LBX2: variants seen among roughly 807,000 people sequenced by gnomAD.
LBX2 encodes the protein ladybird homeobox 2.
LBX2 carries 6 observed loss-of-function variants against 7.5 expected under a neutral mutation model. That is an observed-to-expected ratio of 0.80 (90% confidence interval 0.44 to 1.59). The LOEUF (loss-of-function observed/expected upper bound fraction) is 1.59, where lower values mean the gene tolerates loss of function less well. Ranked by LOEUF, LBX2 falls within the 40% of genes most tolerant of loss-of-function variation. The pLI is 0.01. For synonymous variants in LBX2, 143 were observed against 133.2 expected, an observed-to-expected ratio of 1.07 and a Z score of -0.51; for missense variants, 281 against 282.0, an observed-to-expected ratio of 1.00 and a Z score of 0.03.
upstream of LBX2, chr2:74,502,849 C>T (rs202062051): frequency 4.6e-5 from 74 of 1,600,408 alleles, no homozygotes; most frequent in Non-Finnish European, 6.1e-5. The surrounding 1 kb of genome is among the most constrained non-coding windows in gnomAD (Gnocchi z 5.4). Flanking sequence ...TAGGGAAGTC[C>T]TTTTTCCCAT....
chr2:74,502,780 G>T, upstream of LBX2: 1 of 1,614,030 alleles, frequency 6.2e-7, no homozygotes, highest in Non-Finnish European at 8.5e-7. This position sits in a 1 kb window ranked among gnomAD's most constrained non-coding sequence, Gnocchi z 5.4. Context: ...AGCCAGCGGT[G>T]GGAAACTCCG....
At chr2:74,498,970 T>G (rs1380468747) in intron 1 of LBX2, 1 of 301,502 alleles carries the variant, frequency 3.3e-6, no homozygotes, top group Non-Finnish European at 6.2e-6. Flanking sequence ...CTCCAGCGCT[T>G]TCTGTGCCGC....
intron 1 of LBX2, 92 bp from the exon 2 acceptor site, chr2:74,498,410 G>A: frequency 2.0e-6 from 2 of 1,002,114 alleles, no homozygotes; most frequent in East Asian, 2.7e-5. Context: ...GCCGGTGGCG[G>A]TGGGGGAAGT....
upstream of LBX2, chr2:74,499,834 G>A (rs913388144): frequency 4.1e-6 from 2 of 483,094 alleles, no homozygotes; most frequent in South Asian, 2.5e-5. The surrounding 1 kb of genome is among the most constrained non-coding windows in gnomAD (Gnocchi z 4.6). Context: ...GCTGCGGGGC[G>A]CTGCACCGTG....
At chr2:74,500,011 T>TCTCTGATCCCAGCTAGGAC, upstream of LBX2, among the ~76,000 whole-genome samples, 1 of 152,154 alleles carries the variant, frequency 6.6e-6, no homozygotes, top group East Asian at 1.9e-4. Flanking sequence ...TGTGCTGGGA[T>TCTCTGATCCCAGCTAGGAC]CTCTGATCCC....
chr2:74,499,261 G>A lies in LBX2; in HGVS notation c.205+72C>T. The A allele has an allele frequency of 7.3e-7, 1 of 1,373,938 alleles. No individual in the cohort carries two copies. Among genetic ancestry groups the A allele is most frequent in the East Asian group, 2.5e-5 (1 of 39,958 alleles). The allele number at this position is 1,373,938 out of a possible 1,614,324, so 85.1% of individuals were successfully genotyped here. On this transcript the variant is annotated intron_variant, in intron 1 of 1. Transcript: ENST00000377566. The surrounding 1 kb of genome is among the most constrained non-coding windows in gnomAD (Gnocchi z 4.6). ...GTGGCCTGGGCTGGGACAAAGGTTT[G>A]AGACGGGGAACCAGGAGGAGAGAGG...
Position 74,498,096 on chromosome 2 carries a change from T to C in LBX2, c.428A>G (p.Asp143Gly). 6.2e-7 allele frequency: 1 copy of C among 1,613,264 alleles called. No individual in the cohort carries two copies. Among genetic ancestry groups the C allele is most frequent in the Non-Finnish European group, 8.5e-7 (1 of 1,179,758 alleles). Reference sequence around the variant, plus strand: ...GACGTCGGCGCGCATCTCCTCCACATCGCGCTTGAGCTTGGCTCGCCGGTT... The same window carrying C: ...GACGTCGGCGCGCATCTCCTCCACACCGCGCTTGAGCTTGGCTCGCCGGTT... ...FQNRRAKLKRDVEEMRADVAS... is the reference protein window; with the variant it reads ...FQNRRAKLKRGVEEMRADVAS... Residue 143 changes from aspartate (D) to glycine (G), a missense_variant, in exon 2 of 2, where the codon GAT becomes GGT. Transcript: ENST00000377566.
At chr2:74,503,068 C>T, upstream of LBX2, 2 of 528,886 alleles carry the variant, frequency 3.8e-6, no homozygotes, top group East Asian at 3.3e-5. The surrounding 1 kb of genome is among the most constrained non-coding windows in gnomAD (Gnocchi z 5.1). Flanking sequence ...TCCGGGGGTG[C>T]AGACGGCGCC....
chr2:74,497,633 CT>C lies in LBX2; in HGVS notation c.*293del, dbSNP rs1438373943. 5.6e-6 allele frequency: 2 copies of C among 354,574 alleles called. No individual in the cohort carries two copies. Among genetic ancestry groups the C allele is most frequent in the Non-Finnish European group, 1.0e-5 (2 of 197,568 alleles). The allele number at this position is 354,574 out of a possible 1,614,324, so 22.0% of individuals were successfully genotyped here. ...ATTAGCCTGGGGTGGTGCTGCACGC[CT>C]GTAATGCCAGCTAGTCGGGAGGTTG... On this transcript the variant is annotated 3_prime_UTR_variant, in exon 2 of 2. Transcript: ENST00000377566.
In LBX2 at chr2:74,497,987, G is replaced by A; in HGVS notation, c.537C>T (p.Gly179=). 3.1e-6 allele frequency: 5 copies of A among 1,607,244 alleles called. No homozygotes were observed. The highest frequency in any genetic ancestry group is 4.3e-6 in the Non-Finnish European group (5 of 1,175,076). The part of the protein sequence containing the change: ...EGAPDPGLCL[G]PAGPDSRPHL... ...GGGGCCGGGAGTCAGGGCCGGCAGG[G>A]CCGAGGCAGAGGCCGGGATCTGGAG... The change falls in exon 2 of 2, where the codon GGC becomes GGT. Residue 179 remains glycine (G), a synonymous_variant. Transcript: ENST00000377566.
upstream of LBX2, among the ~76,000 whole-genome samples, chr2:74,500,834 C>T (rs539444962): frequency 6.6e-6 from 1 of 152,320 alleles, no homozygotes; most frequent in African/African-American, 2.4e-5. Flanking sequence ...CTTTGCTGCC[C>T]AGGGAAGTCA....
At chr2:74,498,945 CGGA>C in intron 1 of LBX2, 2 of 257,862 alleles carry the variant, frequency 7.8e-6, no homozygotes, top group South Asian at 1.4e-4. Context: ...CTTGGTCACC[CGGA>C]AAGACTCGAC....
rs1449420877 is a variant in LBX2, at chr2:74,497,908, A to G, written c.*19T>C. 3 of 1,531,140 alleles carry G rather than the reference A, an allele frequency of 2.0e-6. No homozygotes were observed. The highest frequency in any genetic ancestry group is 2.6e-6 in the Non-Finnish European group (3 of 1,137,204). 94.8% of individuals were successfully genotyped at this position (1,531,140 alleles called of 1,614,324 possible). A position where few individuals can be genotyped will look rare whatever the true frequency, so the allele number is the denominator to read the frequency against. ...GGAGTCCAGGGCCCCAGAGCCCAGG[A>G]TTGGCGGCGGCTTTGTCTTCAATCG... is the stretch of plus-strand genomic sequence containing the variant. On this transcript the variant is annotated 3_prime_UTR_variant, in exon 2 of 2. Coordinates refer to ENST00000377566, the MANE Select transcript of LBX2 (RefSeq NM_001282430.2).
At chr2:74,499,830 G>A (rs1674447924), upstream of LBX2, 2 of 515,544 alleles carry the variant, frequency 3.9e-6, no homozygotes, top group African/African-American at 2.0e-5. The surrounding 1 kb of genome is among the most constrained non-coding windows in gnomAD (Gnocchi z 4.6). Flanking sequence ...CCGCGCTGCG[G>A]GGCGCTGCAC....
chr2:74,498,690 GAGTC>G (rs1477114473), intron 1 of LBX2: 5 of 263,926 alleles, frequency 1.9e-5, no homozygotes, highest in African/African-American at 1.1e-4. Flanking sequence ...AGGCGAGTAA[GAGTC>G]AGGGCAGCCG....
At position 74,499,250 on chromosome 2, in the gene LBX2, G is replaced by T; in HGVS notation, c.205+83C>A. The T allele has an allele frequency of 7.6e-7, 1 of 1,307,362 alleles. No homozygotes were observed. Among genetic ancestry groups the T allele is most frequent in the South Asian group, 1.3e-5 (1 of 75,942 alleles). The allele number at this position is 1,307,362 out of a possible 1,614,324, so 81.0% of individuals were successfully genotyped here. A position where few individuals can be genotyped will look rare whatever the true frequency, so the allele number is the denominator to read the frequency against. ...GATTAGGGTGGGTGGCCTGGGCTGG[G>T]ACAAAGGTTTGAGACGGGGAACCAG... On this transcript the variant is annotated intron_variant, in intron 1 of 1. Transcript: ENST00000377566. The surrounding 1 kb of genome is among the most constrained non-coding windows in gnomAD (Gnocchi z 4.6).
In LBX2 at chr2:74,498,172, G is replaced by A; in HGVS notation, c.352C>T (p.Leu118=). ...TTGGCCAGGCCGAGTCGCGTAGCTAGCCCGTCTCGCTCGGACGGCGCCAGG... is the reference window on the plus strand; with the variant it reads ...TTGGCCAGGCCGAGTCGCGTAGCTAACCCGTCTCGCTCGGACGGCGCCAGG... ...KYLAPSERDG[L]ATRLGLANAQ... Residue 118 remains leucine, a synonymous_variant, in exon 2 of 2, where the codon CTA becomes TTA. Coordinates refer to ENST00000377566, the MANE Select transcript of LBX2 (RefSeq NM_001282430.2). 6.2e-7 allele frequency: 1 copy of A among 1,612,600 alleles called. No individual in the cohort carries two copies. The highest frequency in any genetic ancestry group is 1.1e-5 in the South Asian group (1 of 91,024).
At chr2:74,500,829 C>A (rs1262380316), upstream of LBX2, among the ~76,000 whole-genome samples, 2 of 152,188 alleles carry the variant, frequency 1.3e-5, no homozygotes, top group African/African-American at 2.4e-5. Flanking sequence ...TGCTGCTTTG[C>A]TGCCCAGGGA....
At chr2:74,502,283 C>T (rs2104306581), upstream of LBX2, 1 of 239,550 alleles carries the variant, frequency 4.2e-6, no homozygotes, top group East Asian at 1.1e-4. This position sits in a 1 kb window ranked among gnomAD's most constrained non-coding sequence, Gnocchi z 5.4. Context: ...CGGCGGGTTC[C>T]TCCACCCCGG....
Sources: gnomAD v4.1 joint callset for allele counts (sites outside exome capture counted in the v4.1 genomes callset) on GRCh38, gnomAD v4.1.1 for gene constraint, Gnocchi (gnomAD v3.1) non-coding constraint, MANE v1.5 for transcripts, NCBI Gene and HGNC (gene_info 2026-07-23, HGNC 2026-07-21) for gene names.